The following RBFOX1 variants were observed in gnomAD, a reference collection of about 807,000 sequenced individuals.
RBFOX1 encodes RNA binding fox-1 homolog 1, also known as RNA binding protein fox-1 homolog 1.
Under a neutral mutation model 57.7 loss-of-function variants are expected in RBFOX1, and 8 were observed. The observed-to-expected ratio is 0.14, with a 90% CI of 0.08 to 0.25. The LOEUF (loss-of-function observed/expected upper bound fraction) is 0.25. Among genes scored for constraint, RBFOX1 ranks in the 10% least tolerant of loss-of-function variants. The pLI is 1.00. For synonymous variants in RBFOX1, 326 were observed against 222.4 expected (o/e 1.47, Z -4.15); for missense variants, 611 against 548.5 (o/e 1.11, Z -1.14).
chr16:5,824,033 G>A (rs541500738), intron 3 of RBFOX1, among the ~76,000 whole-genome samples: 1 of 152,286 alleles, frequency 6.6e-6, no homozygotes, highest in South Asian at 2.1e-4. Flanking sequence ...AGGCCCTGTA[G>A]CCAGATGGCC....
At chr16:6,953,460 A>T (rs1598263079) in intron 3 of RBFOX1, among the ~76,000 whole-genome samples, 1 of 151,912 alleles carries the variant, frequency 6.6e-6, no homozygotes, top group South Asian at 2.1e-4. Flanking sequence ...GTCTCAGCTC[A>T]CCGCAACCTC....
intron 4 of RBFOX1, among the ~76,000 whole-genome samples, chr16:7,206,931 T>G (rs1201529627): frequency 6.6e-6 from 1 of 152,210 alleles, no homozygotes. Flanking sequence ...ATGGTCTGTT[T>G]CTGTTCTGTG....
rs565928301 is a variant in RBFOX1, at chr16:5,738,193, C to T, written c.319-129110C>T. Among the ~76,000 whole-genome samples the T allele has an allele frequency of 3.5e-3, 532 of 152,198 alleles. 5 individuals are homozygous for T. Among genetic ancestry groups the T allele is most frequent in the Middle Eastern group, 0.017 (5 of 294 alleles). The stretch of plus-strand genomic sequence containing the variant: ...TTCATACATTATATTTATACATATT[C>T]ATGAAAGTACGTATGAAACTTTGTC... On this transcript the variant is annotated intron_variant, in intron 3 of 19. Coordinates refer to the RBFOX1 transcript ENST00000641259.
intron 4 of RBFOX1, among the ~76,000 whole-genome samples, chr16:7,087,812 T>C (rs1261219887): frequency 6.6e-6 from 1 of 152,178 alleles, no homozygotes; most frequent in Non-Finnish European, 1.5e-5. Flanking sequence ...GACTTCTGTT[T>C]GCTGACAGAG....
At chr16:6,082,347 A>ATTTTTTTTTTTTTTTTTTTTTTT (rs71142677) in intron 1 of RBFOX1, among the ~76,000 whole-genome samples, 12 of 41,044 alleles carry the variant, frequency 2.9e-4, no homozygotes, top group Non-Finnish European at 4.5e-4. Context: ...CACCTGGCTA[A>ATTTTTTTTTTTTTTTTTTTTTTT]TTTTTTTTTT....
chr16:5,259,686 G>T (rs549012802), intron 1 of RBFOX1, among the ~76,000 whole-genome samples: 1 of 152,304 alleles, frequency 6.6e-6, no homozygotes, highest in Admixed American at 6.5e-5. Context: ...TTTGTCATGA[G>T]TTAATGTGAT....
intron 3 of RBFOX1, among the ~76,000 whole-genome samples, chr16:5,816,429 A>G (rs2055640427): frequency 2.6e-5 from 4 of 152,186 alleles, no homozygotes; most frequent in Non-Finnish European, 1.5e-5. Context: ...ACTGACTGCC[A>G]AAACCATGCC....
intron 3 of RBFOX1, among the ~76,000 whole-genome samples, chr16:5,766,312 C>T (rs2053776177): frequency 6.6e-6 from 1 of 152,090 alleles, no homozygotes; most frequent in Non-Finnish European, 1.5e-5. Flanking sequence ...CTGGGCTGGG[C>T]ACGGTGGCTC....
chr16:5,239,731 C>T (rs1005306583), upstream of RBFOX1: 22 of 464,548 alleles, frequency 4.7e-5, no homozygotes, highest in African/African-American at 4.2e-4. Flanking sequence ...GCCAGAGAGC[C>T]AGGAGCGGCC....
chr16:7,012,079 C>T (rs1320531584), intron 3 of RBFOX1, among the ~76,000 whole-genome samples: 6 of 152,246 alleles, frequency 3.9e-5, no homozygotes, highest in South Asian at 2.1e-4. Flanking sequence ...TTAGGTCAGA[C>T]GTATGGAGTC....
At chr16:6,242,579 T>C (rs2097545373) in intron 1 of RBFOX1, among the ~76,000 whole-genome samples, 1 of 151,180 alleles carries the variant, frequency 6.6e-6, no homozygotes, top group Non-Finnish European at 1.5e-5. Context: ...TATGCAACTC[T>C]CTGCTTGTTA....
At chr16:5,859,195 ACT>A (rs1261778011) in intron 3 of RBFOX1, among the ~76,000 whole-genome samples, 4 of 152,070 alleles carry the variant, frequency 2.6e-5, no homozygotes, top group African/African-American at 7.2e-5. Context: ...ACACAGCGAG[ACT>A]CTGTCTCACA....
intron 4 of RBFOX1, among the ~76,000 whole-genome samples, chr16:7,202,646 C>G (rs541363341): frequency 6.6e-6 from 1 of 152,182 alleles, no homozygotes; most frequent in African/African-American, 2.4e-5. Flanking sequence ...AGCTCGACCT[C>G]CTGTCAGAGC....
At chr16:7,187,609 A>T (rs2084210366) in intron 4 of RBFOX1, among the ~76,000 whole-genome samples, 1 of 141,636 alleles carries the variant, frequency 7.1e-6, no homozygotes, top group South Asian at 2.4e-4. Flanking sequence ...GAATGGTGTG[A>T]ACCCGGGAGG....
chr16:6,940,672 A>T (rs1228125510), intron 3 of RBFOX1, among the ~76,000 whole-genome samples: 1 of 151,906 alleles, frequency 6.6e-6, no homozygotes, highest in Non-Finnish European at 1.5e-5. Flanking sequence ...ATCTCAGCTC[A>T]CTGCAAGCTC....
intron 3 of RBFOX1, among the ~76,000 whole-genome samples, chr16:5,621,561 G>C (rs547487106): frequency 2.0e-5 from 3 of 152,126 alleles, no homozygotes; most frequent in Non-Finnish European, 4.4e-5. Context: ...ATAGAAGGTG[G>C]GATGTAGGCA....
At chr16:6,406,111 C>T (rs1411784396) in intron 2 of RBFOX1, among the ~76,000 whole-genome samples, 1 of 152,190 alleles carries the variant, frequency 6.6e-6, no homozygotes, top group Non-Finnish European at 1.5e-5. Flanking sequence ...CTAAACTTTT[C>T]CACATGTAGT....
In RBFOX1 at chr16:6,019,845, G is replaced by C. The variant is rs908013947; in HGVS notation, c.-274G>C. The C allele has an allele frequency of 2.0e-6, 3 of 1,525,352 alleles. No individual in the cohort carries two copies. Among genetic ancestry groups the C allele is most frequent in the Non-Finnish European group, 2.6e-6 (3 of 1,140,756 alleles). The allele number at this position is 1,525,352 out of a possible 1,614,324, so 94.5% of individuals were successfully genotyped here. ...GCCAGGGCGGGGCTGACCTGCCCGC[G>C]AAGTTGCGGACAGTGCGTGAGAAAC... On this transcript the variant is annotated 5_prime_UTR_variant, in exon 1 of 16. Transcript: ENST00000550418. This position sits in a 1 kb window ranked among gnomAD's most constrained non-coding sequence, Gnocchi z 4.2.
chr16:5,724,594 T>C (rs2052063205), intron 3 of RBFOX1, among the ~76,000 whole-genome samples: 1 of 152,120 alleles, frequency 6.6e-6, no homozygotes, highest in South Asian at 2.1e-4. Context: ...TGTCATGAGG[T>C]TCAGAGAGCC....
Sources: allele counts gnomAD v4.1 joint callset (sites outside exome capture counted in the v4.1 genomes callset), GRCh38; gene constraint gnomAD v4.1.1; non-coding constraint Gnocchi (gnomAD v3.1); transcripts MANE v1.5; gene names NCBI Gene and HGNC (gene_info 2026-07-23, HGNC 2026-07-21).